Variants in TRAPPC8 observed in about 807,000 individuals in gnomAD.
TRAPPC8 encodes the protein general sporulation gene 1 homolog.
Under a neutral mutation model 174.3 loss-of-function variants are expected in TRAPPC8, and 54 were observed. That is an observed-to-expected ratio of 0.31 (90% CI 0.25 to 0.39). TRAPPC8 has a LOEUF of 0.39. TRAPPC8 is among the 10% of genes least tolerant of loss of function. The pLI is 1.00. For synonymous variants in TRAPPC8, 630 were observed against 579.9 expected, an observed-to-expected ratio of 1.09 and a Z score of -1.24; for missense variants, 1,531 against 1,699.1, an observed-to-expected ratio of 0.90 and a Z score of 1.74.
At chr18:31,939,082 C>CAAAA (rs397963630) in intron 1 of TRAPPC8, among the ~76,000 whole-genome samples, 7,809 of 67,944 alleles carry the variant, frequency 0.11, 782 homozygotes, top group South Asian at 0.27. Context: ...GACTCCGTCT[C>CAAAA]AAAAAAAAAA....
chr18:31,837,026 T>A (rs1248488972), intron 27 of TRAPPC8, among the ~76,000 whole-genome samples: 1 of 152,040 alleles, frequency 6.6e-6, no homozygotes, highest in Non-Finnish European at 1.5e-5. Flanking sequence ...CCTCCCAAAG[T>A]GCTGGGATTA....
rs1294841788 is a variant in TRAPPC8 at position 31,913,488 on chromosome 18, A to G, written c.652T>C (p.Tyr218His). ...AGTAAATAGCAACCCTGAGTTCCAT[A>G]TTTCTGTTTCATTTCTTCATAAATT... ...ESIYEEMKQK[Y>H]GTQGCYLLKI... The change falls in exon 5 of 29, where the codon TAT becomes CAT. Residue 218 changes from tyrosine to histidine, a missense_variant. Tyr to His is a moderately conservative substitution (Grantham distance 83, BLOSUM62 2). Transcript: ENST00000283351. The G allele has an allele frequency of 6.3e-7, 1 of 1,598,942 alleles. No individual in the cohort carries two copies. The highest frequency in any genetic ancestry group is 8.5e-7 in the Non-Finnish European group (1 of 1,176,508).
At chr18:31,874,023 C>G (rs1484517045) in intron 13 of TRAPPC8, 1 of 183,448 alleles carries the variant, frequency 5.5e-6, no homozygotes, top group Non-Finnish European at 1.1e-5. Flanking sequence ...AACAGTCCTT[C>G]TTCCTGTTAA....
intron 18 of TRAPPC8, 26 bp downstream of exon 18, chr18:31,866,823 T>C: frequency 3.1e-6 from 5 of 1,599,106 alleles, no homozygotes; most frequent in Non-Finnish European, 4.3e-6. Context: ...AGTTTTCTAA[T>C]TGTTTACCAA....
chr18:31,836,758 CTTTTTTTT>C (rs68104803), intron 27 of TRAPPC8, among the ~76,000 whole-genome samples: 39 of 89,840 alleles, frequency 4.3e-4, no homozygotes, highest in South Asian at 1.7e-3. Flanking sequence ...ATCTTTCAGT[CTTTTTTTT>C]TTTTTTTTTT....
chr18:31,853,866 T>C lies in TRAPPC8; in HGVS notation c.3416A>G (p.Asn1139Ser). Reference protein sequence around the residue: ...SKHWKLQKSVNLSENKDTKLA... With the variant: ...SKHWKLQKSVSLSENKDTKLA... ...AAACAAACCTTTGTTTTCAGAAAGATTTACAGATTTCTGTAACTTCCAGTG... is the reference window on the plus strand; with the variant it reads ...AAACAAACCTTTGTTTTCAGAAAGACTTACAGATTTCTGTAACTTCCAGTG... The change falls in exon 22 of 29, where the codon AAT becomes AGT. Residue 1139 changes from asparagine to serine, a missense_variant. Physicochemically the swap from Asn to Ser is conservative, Grantham distance 46. Transcript: ENST00000283351. 6.2e-7 allele frequency: 1 copy of C among 1,608,562 alleles called. No homozygotes were observed.
chr18:31,924,572 C>T (rs1304719060), intron 2 of TRAPPC8, among the ~76,000 whole-genome samples: 1 of 151,292 alleles, frequency 6.6e-6, no homozygotes, highest in Non-Finnish European at 1.5e-5. Context: ...ACCAGCCTGG[C>T]CAACATCATG....
At chr18:31,927,704 TAATAA>T (rs1210775713) in intron 2 of TRAPPC8, among the ~76,000 whole-genome samples, 3 of 152,314 alleles carry the variant, frequency 2.0e-5, no homozygotes, top group Non-Finnish European at 2.9e-5. Context: ...TGCCTGGCCT[TAATAA>T]ATTAAAAGTA....
chr18:31,925,402 C>G (rs1344160327), intron 2 of TRAPPC8, among the ~76,000 whole-genome samples: 1 of 151,738 alleles, frequency 6.6e-6, no homozygotes, highest in Middle Eastern at 3.2e-3. Flanking sequence ...CAAAAAGACA[C>G]CAAACATTAA....
chr18:31,830,613 T>A lies in TRAPPC8; in HGVS notation c.*142A>T. On this transcript the variant is annotated 3_prime_UTR_variant, in exon 29 of 29. Coordinates refer to ENST00000283351, the MANE Select transcript of TRAPPC8 (RefSeq NM_014939.5). ...TCTCAGTCCAACGTGCTTTGCATCA[T>A]CAACAAAATGACAAGTCAAAGTATT... is the stretch of plus-strand genomic sequence containing the variant. The A allele has an allele frequency of 1.5e-6, 1 of 674,980 alleles. No homozygotes were observed. Among genetic ancestry groups the A allele is most frequent in the Non-Finnish European group, 2.5e-6 (1 of 406,218 alleles). The allele number at this position is 674,980 out of a possible 1,614,324, so 41.8% of individuals were successfully genotyped here. A position where few individuals can be genotyped will look rare whatever the true frequency, so the allele number is the denominator to read the frequency against.
chr18:31,872,071 A>G (rs969522454), intron 14 of TRAPPC8, among the ~76,000 whole-genome samples: 11 of 152,132 alleles, frequency 7.2e-5, no homozygotes, highest in Non-Finnish European at 1.2e-4. Context: ...TCGTGTAGCC[A>G]TCACCCAAAT....
chr18:31,858,080 G>A (rs1043519503), intron 19 of TRAPPC8, 98 bp from the exon 20 acceptor site: 12 of 967,974 alleles, frequency 1.2e-5, no homozygotes, highest in Non-Finnish European at 1.8e-5. Flanking sequence ...TTTACCAAAG[G>A]TTTACAAGTG....
At chr18:31,934,723 C>T (rs1400105770) in intron 1 of TRAPPC8, among the ~76,000 whole-genome samples, 7 of 151,708 alleles carry the variant, frequency 4.6e-5, no homozygotes, top group East Asian at 2.0e-4. Flanking sequence ...CAAAATTAGC[C>T]GGGCATGGTG....
chr18:31,942,358 T>C (rs1194529111), intron 1 of TRAPPC8, among the ~76,000 whole-genome samples: 5 of 152,206 alleles, frequency 3.3e-5, no homozygotes, highest in Admixed American at 2.6e-4. Context: ...CACCAATTAC[T>C]TAACGACCTA....
At chr18:31,846,626 C>T in intron 26 of TRAPPC8, 90 bp downstream of exon 26, 1 of 1,068,402 alleles carries the variant, frequency 9.4e-7, no homozygotes, top group South Asian at 1.6e-5. Context: ...AACCAGACCC[C>T]TTCAAAAACA....
intron 14 of TRAPPC8, among the ~76,000 whole-genome samples, chr18:31,872,753 A>C (rs954815531): frequency 2.6e-5 from 4 of 152,056 alleles, no homozygotes; most frequent in Admixed American, 6.6e-5. Context: ...AGATGGAAAC[A>C]GTCTATATAT....
In TRAPPC8 at chr18:31,935,329, G is replaced by A. The variant is rs796661062; in HGVS notation, c.158-3806C>T. Among the ~76,000 whole-genome samples, 216 of 114,764 alleles carry A rather than the reference G, an allele frequency of 1.9e-3. 1 individual carries two copies. In the Middle Eastern group the frequency reaches 0.022, roughly 12 times the overall value. The allele number at this position is 114,764 out of a possible 152,430, so 75.3% of individuals were successfully genotyped here. The stretch of plus-strand genomic sequence containing the variant: ...GCACTCCAGCCTGGGCAACAAGAGC[G>A]AAACTCCACCTCAAAAACAAACAAA... On this transcript the variant is annotated intron_variant, in intron 1 of 28. Coordinates refer to ENST00000283351, the MANE Select transcript of TRAPPC8 (RefSeq NM_014939.5).
chr18:31,924,963 C>A (rs1396078960), intron 2 of TRAPPC8, among the ~76,000 whole-genome samples: 2 of 151,874 alleles, frequency 1.3e-5, no homozygotes, highest in Non-Finnish European at 2.9e-5. Context: ...AAAAAAAAGG[C>A]CCAGGACACA....
intron 6 of TRAPPC8, among the ~76,000 whole-genome samples, chr18:31,909,242 C>A (rs2036804252): frequency 6.6e-6 from 1 of 151,464 alleles, no homozygotes. Context: ...CGGTATAAAC[C>A]AGGAAATGGA....
Sources: allele counts gnomAD v4.1 joint callset (sites outside exome capture counted in the v4.1 genomes callset), GRCh38; gene constraint gnomAD v4.1.1; transcripts MANE v1.5; gene names NCBI Gene and HGNC (gene_info 2026-07-23, HGNC 2026-07-21).